ATXN2: variants seen among roughly 807,000 people sequenced by gnomAD.
The protein encoded by ATXN2 is ataxin 2.
In ATXN2, 37 loss-of-function variants were observed where a neutral mutation model predicts 138.6. The ratio of observed to expected loss-of-function variants is 0.27; its 90% CI spans 0.21 to 0.35. ATXN2 has a LOEUF of 0.35. Among genes scored for constraint, ATXN2 ranks in the 10% least tolerant of loss-of-function variants. The pLI is 1.00. For synonymous variants in ATXN2, 549 were observed against 543.7 expected (o/e 1.01, Z -0.13); for missense variants, 1,216 against 1,480.3 (o/e 0.82, Z 2.93).
chr12:111,469,742 G>C (rs1876271803), intron 20 of ATXN2: 1 of 277,518 alleles, frequency 3.6e-6, no homozygotes, highest in Non-Finnish European at 6.6e-6. Flanking sequence ...TTTCATGCTG[G>C]AGAACACCTT....
chr12:111,487,077 A>C (rs1877691728), intron 15 of ATXN2, among the ~76,000 whole-genome samples: 1 of 152,084 alleles, frequency 6.6e-6, no homozygotes, highest in African/African-American at 2.4e-5. Flanking sequence ...AGGCAATCAA[A>C]AAATACTTTT....
chr12:111,586,879 C>T (rs954566852), intron 1 of ATXN2, among the ~76,000 whole-genome samples: 1 of 152,042 alleles, frequency 6.6e-6, no homozygotes, highest in Non-Finnish European at 1.5e-5. Flanking sequence ...ATATATCTGC[C>T]TCTGAAAACA....
chr12:111,501,260 A>G (rs1194855859), intron 14 of ATXN2, among the ~76,000 whole-genome samples: 1 of 152,234 alleles, frequency 6.6e-6, no homozygotes, highest in African/African-American at 2.4e-5. Flanking sequence ...TTTGCAGACC[A>G]GAAAAAATAA....
chr12:111,507,693 A>G (rs958864714), intron 14 of ATXN2, among the ~76,000 whole-genome samples: 4 of 152,262 alleles, frequency 2.6e-5, no homozygotes, highest in South Asian at 2.1e-4. Context: ...GGCCATGATG[A>G]CAATGGCGGC....
intron 6 of ATXN2, among the ~76,000 whole-genome samples, chr12:111,521,341 G>A (rs1010914407): frequency 5.3e-5 from 8 of 152,204 alleles, no homozygotes; most frequent in Non-Finnish European, 1.0e-4. Flanking sequence ...CCTCAGGTCT[G>A]TGGAGGACAG....
rs117264757 is a variant in ATXN2, at chr12:111,592,112, G to C, written c.251+6672C>G. Among the ~76,000 whole-genome samples the C allele has an allele frequency of 2.6e-5, 4 of 151,086 alleles. No individual in the cohort carries two copies. The East Asian group carries it at 5.8e-4, about 22-fold the overall frequency. ...AAAAACACCTTAGCTCATGAGGCTG[G>C]GCGGGGGTGGCTCACGCCTGTAATC... On this transcript the variant is annotated intron_variant, in intron 1 of 24. Coordinates refer to ENST00000673436, the MANE Select transcript of ATXN2 (RefSeq NM_001372574.1).
At position 111,552,569 on chromosome 12, in the gene ATXN2, G is replaced by T; in HGVS notation, c.421-139C>A. On this transcript the variant is annotated intron_variant, in intron 4 of 24. Transcript: ENST00000673436. This position sits in a 1 kb window ranked among gnomAD's most constrained non-coding sequence, Gnocchi z 4.1. ...AAGAGAATCATACCCTTTTTCCCAG[G>T]CATATGATCTATTATCCATTCCATC... is the stretch of plus-strand genomic sequence containing the variant. 9 of 840,338 alleles carry T rather than the reference G, an allele frequency of 1.1e-5. No homozygotes were observed. The highest frequency in any genetic ancestry group is 1.6e-5 in the Non-Finnish European group (9 of 572,156). 52.1% of individuals were successfully genotyped at this position (840,338 alleles called of 1,614,324 possible). A position where few individuals can be genotyped will look rare whatever the true frequency, so the allele number is the denominator to read the frequency against.
At chr12:111,460,628 T>C (rs1875508476) in intron 21 of ATXN2, among the ~76,000 whole-genome samples, 1 of 152,118 alleles carries the variant, frequency 6.6e-6, no homozygotes, top group Non-Finnish European at 1.5e-5. Context: ...TACTAAAAAG[T>C]TTGAAATTTC....
At chr12:111,567,719 C>G (rs923148718) in intron 1 of ATXN2, among the ~76,000 whole-genome samples, 1 of 151,724 alleles carries the variant, frequency 6.6e-6, no homozygotes, top group African/African-American at 2.4e-5. Context: ...GAGGCTGACA[C>G]AAGAGAATCG....
At chr12:111,519,757 T>G (rs957934958) in intron 8 of ATXN2, 122 bp downstream of exon 8, 44 of 1,502,888 alleles carry the variant, frequency 2.9e-5, no homozygotes, top group Non-Finnish European at 3.8e-5. Flanking sequence ...CTTAAACCAA[T>G]TCTACTTGCA....
intron 21 of ATXN2, among the ~76,000 whole-genome samples, chr12:111,462,561 CA>C (rs750392281): frequency 3.3e-5 from 5 of 152,120 alleles, no homozygotes; most frequent in Non-Finnish European, 7.4e-5. Context: ...GCAACTTGAC[CA>C]AACCATCATA....
intron 1 of ATXN2, among the ~76,000 whole-genome samples, chr12:111,566,438 C>CAAAAAAAAAGAAAA (rs1303771208): frequency 1.0e-5 from 1 of 97,638 alleles, no homozygotes; most frequent in Admixed American, 1.0e-4. Context: ...AACTCCATCT[C>CAAAAAAAAAGAAAA]AAAAAAAAAG....
intron 5 of ATXN2, among the ~76,000 whole-genome samples, chr12:111,542,680 G>A (rs556544090): frequency 3.9e-5 from 6 of 152,020 alleles, no homozygotes; most frequent in African/African-American, 7.2e-5. Flanking sequence ...TTGCCAAGGC[G>A]AGTCTTGAAC....
chr12:111,587,303 A>T (rs1427898467), intron 1 of ATXN2, among the ~76,000 whole-genome samples: 1 of 152,190 alleles, frequency 6.6e-6, no homozygotes, highest in African/African-American at 2.4e-5. Flanking sequence ...AATTCCACTT[A>T]GAAAAATTAT....
chr12:111,472,501 T>C (rs1876486467), intron 18 of ATXN2, among the ~76,000 whole-genome samples: 1 of 152,140 alleles, frequency 6.6e-6, no homozygotes, highest in African/African-American at 2.4e-5. Flanking sequence ...ACACTAACAT[T>C]AAAAAAGAAC....
At chr12:111,580,701 G>C (rs1162421942) in intron 1 of ATXN2, among the ~76,000 whole-genome samples, 1 of 108,100 alleles carries the variant, frequency 9.3e-6, no homozygotes, top group Non-Finnish European at 1.9e-5. Context: ...GGGAGGGAGG[G>C]AGGGAGAGAG....
At chr12:111,468,754 G>A (rs1234491885) in intron 20 of ATXN2, 3 of 137,102 alleles carry the variant, frequency 2.2e-5, no homozygotes, top group Admixed American at 7.7e-5. Flanking sequence ...AGGCTAGAGT[G>A]TAGTGGCGCG....
At chr12:111,542,286 A>C (rs901858853) in intron 5 of ATXN2, among the ~76,000 whole-genome samples, 2 of 151,346 alleles carry the variant, frequency 1.3e-5, no homozygotes, top group Non-Finnish European at 3.0e-5. Flanking sequence ...GCTGGAGTGC[A>C]GCACCACCAT....
At chr12:111,544,336 C>T (rs1004004784) in intron 5 of ATXN2, among the ~76,000 whole-genome samples, 1 of 152,156 alleles carries the variant, frequency 6.6e-6, no homozygotes, top group African/African-American at 2.4e-5. Flanking sequence ...TTCATTCTTT[C>T]CATAAAATAA....
Sources: allele counts gnomAD v4.1 joint callset (sites outside exome capture counted in the v4.1 genomes callset), GRCh38; gene constraint gnomAD v4.1.1; non-coding constraint Gnocchi (gnomAD v3.1); transcripts MANE v1.5; gene names NCBI Gene and HGNC (gene_info 2026-07-23, HGNC 2026-07-21).